DENND4A: variants seen among roughly 807,000 people sequenced by gnomAD.
The protein encoded by DENND4A is C-myc promoter-binding protein.
DENND4A carries 70 observed loss-of-function variants against 199.3 expected under a neutral mutation model. That is an observed-to-expected ratio of 0.35 (90% confidence interval 0.29 to 0.43). The LOEUF (loss-of-function observed/expected upper bound fraction) is 0.43. Ranked by LOEUF, DENND4A falls within the 20% of genes least tolerant of loss-of-function variation. DENND4A has a pLI of 1.00. For synonymous variants in DENND4A, 686 were observed against 766.9 expected (o/e 0.89, Z 1.74); for missense variants, 1,723 against 2,255.8 (o/e 0.76, Z 4.78).
intron 2 of DENND4A, among the ~76,000 whole-genome samples, chr15:65,756,817 C>A (rs1235577924): frequency 1.3e-5 from 2 of 152,146 alleles, no homozygotes; most frequent in African/African-American, 2.4e-5. Flanking sequence ...AGGTGGATCA[C>A]CTGAGGTCAG....
Position 65,707,914 on chromosome 15 carries a change from G to A in DENND4A, c.1954-1690C>T, listed in dbSNP as rs542521492. On this transcript the variant is annotated intron_variant, in intron 14 of 32. Coordinates refer to ENST00000443035, the MANE Select transcript of DENND4A (RefSeq NM_001320835.1). ...TTGGCCAGGCTGGTCAGGAGCTCCT[G>A]ACCTTAGGTGATCCGCCTGCCTTGG... Among the ~76,000 whole-genome samples, 11 of 152,078 alleles carry A rather than the reference G, an allele frequency of 7.2e-5. No homozygotes were observed. The South Asian group carries it at 2.3e-3, about 32-fold the overall frequency.
chr15:65,779,896 T>C (rs576381262), intron 1 of DENND4A, among the ~76,000 whole-genome samples: 3 of 152,006 alleles, frequency 2.0e-5, no homozygotes, highest in South Asian at 2.1e-4. Context: ...GTGTCTGGAC[T>C]TTATTTATTT....
chr15:65,698,156 C>A (rs2077215518), intron 20 of DENND4A, among the ~76,000 whole-genome samples: 1 of 151,944 alleles, frequency 6.6e-6, no homozygotes, highest in South Asian at 2.1e-4. Context: ...TCTTGGGAGG[C>A]TTCTTGGGAG....
At chr15:65,684,118 T>C (rs528259252) in intron 23 of DENND4A, among the ~76,000 whole-genome samples, 1 of 152,354 alleles carries the variant, frequency 6.6e-6, no homozygotes, top group Non-Finnish European at 1.5e-5. Flanking sequence ...TTACCTATTT[T>C]CCAGTTGACG....
intron 30 of DENND4A, 82 bp downstream of exon 30, chr15:65,665,263 G>T: frequency 9.5e-7 from 1 of 1,053,410 alleles, no homozygotes; most frequent in Non-Finnish European, 1.4e-6. Context: ...ATAAAAGTCA[G>T]TTATACATTG....
intron 1 of DENND4A, among the ~76,000 whole-genome samples, chr15:65,787,017 T>A (rs182394943): frequency 6.6e-6 from 1 of 152,210 alleles, no homozygotes; most frequent in African/African-American, 2.4e-5. Context: ...ATGTGATAAC[T>A]ATGATATAAA....
chr15:65,719,568 C>A (rs1427366193), intron 12 of DENND4A, among the ~76,000 whole-genome samples: 1 of 152,050 alleles, frequency 6.6e-6, no homozygotes, highest in Non-Finnish European at 1.5e-5. Context: ...AGAGACACAG[C>A]ATCACTTCTG....
intron 1 of DENND4A, among the ~76,000 whole-genome samples, chr15:65,764,072 T>C (rs2076922080): frequency 6.6e-6 from 1 of 152,228 alleles, no homozygotes; most frequent in Non-Finnish European, 1.5e-5. Flanking sequence ...CAGACTTATT[T>C]AGATGTAATT....
In DENND4A at chr15:65,722,944, C is replaced by T. The variant is rs1041920543; in HGVS notation, c.1492G>A (p.Gly498Ser). Reference sequence around the variant, plus strand: ...TTCCAGGCTACATTTTTCTTGTCACCAATTCTAAGATTAAATAACAACAGG... The same window carrying T: ...TTCCAGGCTACATTTTTCTTGTCACTAATTCTAAGATTAAATAACAACAGG... Reference protein sequence around the residue: ...DVDTNTISQIGDKKNVAWKIL... With the variant: ...DVDTNTISQISDKKNVAWKIL... Residue 498 changes from glycine (G) to serine (S), a missense_variant, in exon 12 of 33, where the codon GGT (glycine) becomes AGT (serine). By Grantham distance (56) the Gly-to-Ser change is moderately conservative. Around this residue, in one of 6 missense-constraint regions of DENND4A, gnomAD observed 725 missense variants for 952.9 expected, o/e 0.76. Coordinates refer to ENST00000443035, the MANE Select transcript of DENND4A (RefSeq NM_001320835.1). 27 of 1,601,676 alleles carry T rather than the reference C, an allele frequency of 1.7e-5. No homozygotes were observed. The highest frequency in any genetic ancestry group is 2.2e-5 in the Non-Finnish European group (26 of 1,174,326).
At chr15:65,754,910 T>C (rs544170371) in intron 3 of DENND4A, among the ~76,000 whole-genome samples, 4 of 152,290 alleles carry the variant, frequency 2.6e-5, no homozygotes, top group African/African-American at 9.6e-5. Flanking sequence ...CCTAGGTATA[T>C]ACAAATAAAA....
intron 1 of DENND4A, among the ~76,000 whole-genome samples, chr15:65,775,050 C>T (rs1257086020): frequency 2.0e-5 from 3 of 151,964 alleles, no homozygotes; most frequent in African/African-American, 7.2e-5. Flanking sequence ...ATATGCACTT[C>T]ATAAGCTTTA....
intron 1 of DENND4A, among the ~76,000 whole-genome samples, chr15:65,783,781 T>C (rs2140985049): frequency 6.6e-6 from 1 of 152,252 alleles, no homozygotes; most frequent in East Asian, 1.9e-4. Context: ...AAAATAACCA[T>C]CTATGAGTCC....
At chr15:65,771,866 T>A (rs2077138869) in intron 1 of DENND4A, 1 of 1,611,974 alleles carries the variant, frequency 6.2e-7, no homozygotes, top group Non-Finnish European at 8.5e-7. Context: ...CCAACCTTTT[T>A]AAAAGCATCT....
intron 20 of DENND4A, among the ~76,000 whole-genome samples, chr15:65,697,830 T>G (rs145559777): frequency 2.4e-4 from 37 of 152,316 alleles, no homozygotes; most frequent in African/African-American, 8.9e-4. Context: ...ACAAAAAAAT[T>G]GGATTTCTTC....
rs533304941 is a variant in DENND4A at position 65,788,303 on chromosome 15, C to T, written c.-102+3707G>A. ...TGTTAGCCAGGATGGTCTCGATCTCCTGACCTTGCGATCCGCCCACCTCGG... is the reference window on the plus strand; with the variant it reads ...TGTTAGCCAGGATGGTCTCGATCTCTTGACCTTGCGATCCGCCCACCTCGG... On this transcript the variant is annotated intron_variant, in intron 1 of 32. Coordinates refer to ENST00000443035, the MANE Select transcript of DENND4A (RefSeq NM_001320835.1). Among the ~76,000 whole-genome samples, 31 of 152,242 alleles carry T rather than the reference C, an allele frequency of 2.0e-4. No individual in the cohort carries two copies. In the East Asian group the frequency reaches 3.9e-3, roughly 19 times the overall value.
At chr15:65,682,626 T>C (rs2076618774) in intron 23 of DENND4A, among the ~76,000 whole-genome samples, 1 of 152,350 alleles carries the variant, frequency 6.6e-6, no homozygotes, top group Non-Finnish European at 1.5e-5. Flanking sequence ...TCAAGAACTT[T>C]CCCTTTGCAT....
At chr15:65,741,524 C>A (rs761208226) in intron 5 of DENND4A, among the ~76,000 whole-genome samples, 191 bp downstream of exon 5, 13 of 151,982 alleles carry the variant, frequency 8.6e-5, no homozygotes, top group Non-Finnish European at 1.8e-4. Context: ...AAAAACTCAC[C>A]TTATTTTAAA....
intron 32 of DENND4A, among the ~76,000 whole-genome samples, chr15:65,663,164 A>ATGTG (rs1292348377): frequency 3.1e-5 from 4 of 129,632 alleles, no homozygotes; most frequent in South Asian, 2.5e-4. Flanking sequence ...TTTTATATAT[A>ATGTG]TGTGTGTGTG....
At chr15:65,709,719 A>AAAAAAAATATATATATAT (rs1218030026) in intron 14 of DENND4A, among the ~76,000 whole-genome samples, 40 of 51,458 alleles carry the variant, frequency 7.8e-4, no homozygotes, top group East Asian at 1.9e-3. Flanking sequence ...AAAAAAAAAA[A>AAAAAAAATATATATATAT]ATATATATAT....
Sources: gnomAD v4.1 joint callset for allele counts (sites outside exome capture counted in the v4.1 genomes callset) on GRCh38, gnomAD v4.1.1 for gene constraint, gnomAD v4.1.1 regional missense constraint, MANE v1.5 for transcripts, NCBI Gene and HGNC (gene_info 2026-07-23, HGNC 2026-07-21) for gene names.